The following ENOX2 variants were observed in gnomAD, a reference collection of about 807,000 sequenced individuals.
ENOX2 encodes the protein APK1 antigen.
ENOX2 carries 36 observed loss-of-function variants against 45.0 expected under a neutral mutation model. That is an observed-to-expected ratio of 0.80 (90% CI 0.61 to 1.06). The LOEUF (loss-of-function observed/expected upper bound fraction) is 1.06, where lower values mean the gene tolerates loss of function less well. Among genes scored for constraint, ENOX2 ranks in the 50% least tolerant of loss-of-function variants. ENOX2 has a pLI of 0.00. For synonymous variants in ENOX2, 174 were observed against 152.3 expected (o/e 1.14, Z -1.05); for missense variants, 423 against 462.5 (o/e 0.91, Z 0.78).
chrX:130,860,217 A>C (rs999049133), intron 2 of ENOX2, among the ~76,000 whole-genome samples: 6 of 111,925 alleles, frequency 5.4e-5, no homozygotes, highest in African/African-American at 2.0e-4. Context: ...TTGGCCTCCC[A>C]AAATGCTGAG....
rs1473087632 is a variant in ENOX2, at chrX:130,670,113, C to T, written c.546G>A (p.Leu182=). The part of the protein sequence containing the change: ...HVDFAQARDD[L]YEWECKQRML... ...TACGCTGTTTACACTCCCACTCATA[C>T]AGGTCATCTCGAGCCTGTGCGAAAT... The change falls in exon 7 of 15, where the codon CTG becomes CTA. Residue 182 remains leucine (L), a synonymous_variant. Coordinates refer to ENST00000394363, the MANE Select transcript of ENOX2 (RefSeq NM_006375.4). 8.3e-7 allele frequency: 1 copy of T among 1,210,920 alleles called. No homozygotes were observed. Among genetic ancestry groups the T allele is most frequent in the East Asian group, 3.0e-5 (1 of 33,827 alleles).
chrX:130,857,595 A>G (rs1055986600), intron 2 of ENOX2, among the ~76,000 whole-genome samples: 1 of 111,747 alleles, frequency 8.9e-6, no homozygotes, highest in Non-Finnish European at 1.9e-5. Flanking sequence ...GTATGCTTTA[A>G]ATATTCCTAA....
At chrX:130,717,938 C>A (rs1018720821) in intron 3 of ENOX2, among the ~76,000 whole-genome samples, 12 of 111,896 alleles carry the variant, frequency 1.1e-4, no homozygotes, top group Non-Finnish European at 1.9e-4. Context: ...TATGTTGATA[C>A]CGTCTCTTCA....
chrX:130,645,680 T>C, intron 10 of ENOX2: 1 of 536,902 alleles, frequency 1.9e-6, no homozygotes, highest in Non-Finnish European at 3.0e-6. Context: ...CTGGGCCTGC[T>C]GCGTTTCATG....
intron 2 of ENOX2, among the ~76,000 whole-genome samples, chrX:130,841,849 A>G (rs2078021467): frequency 8.9e-6 from 1 of 112,197 alleles, no homozygotes; most frequent in Non-Finnish European, 1.9e-5. Flanking sequence ...TAATTGTCAC[A>G]GGACTCTTTC....
intron 2 of ENOX2, among the ~76,000 whole-genome samples, chrX:130,873,894 G>A (rs1296026310): frequency 9.1e-6 from 1 of 109,458 alleles, no homozygotes; most frequent in South Asian, 4.1e-4. Flanking sequence ...GGGCCTGTCA[G>A]GGGGTGGGGG....
At chrX:130,638,345 C>T (rs1030965484) in intron 10 of ENOX2, among the ~76,000 whole-genome samples, 6 of 109,518 alleles carry the variant, frequency 5.5e-5, no homozygotes, top group African/African-American at 1.7e-4. Context: ...AGATTACAGG[C>T]GTGAGCCACC....
chrX:130,643,793 C>T (rs1428704849), intron 10 of ENOX2, among the ~76,000 whole-genome samples: 3 of 112,007 alleles, frequency 2.7e-5, no homozygotes, highest in South Asian at 3.7e-4. Flanking sequence ...AAACAGAAAT[C>T]AGTAATGACA....
intron 10 of ENOX2, among the ~76,000 whole-genome samples, chrX:130,655,565 G>C (rs1031612891): frequency 8.9e-6 from 1 of 112,190 alleles, no homozygotes; most frequent in South Asian, 3.7e-4. Flanking sequence ...CTCTAGTATA[G>C]TGCTTAGCAT....
At chrX:130,813,792 G>A (rs147776797) in intron 2 of ENOX2, among the ~76,000 whole-genome samples, 1,314 of 111,768 alleles carry the variant, frequency 0.012, 3 homozygotes, top group Middle Eastern at 0.023. Context: ...TACCACCAGG[G>A]CCCAGGATTT....
At chrX:130,818,215 G>T in intron 2 of ENOX2, among the ~76,000 whole-genome samples, 3 of 111,110 alleles carry the variant, frequency 2.7e-5, no homozygotes, top group Non-Finnish European at 5.7e-5. Flanking sequence ...ACTCTTCAAG[G>T]AGAACTACAA....
At chrX:130,641,063 T>C (rs1166570821) in intron 10 of ENOX2, among the ~76,000 whole-genome samples, 1 of 111,788 alleles carries the variant, frequency 8.9e-6, no homozygotes, top group East Asian at 2.8e-4. Flanking sequence ...GAAGCAATAA[T>C]GACTGAGAAT....
At chrX:130,814,159 T>A (rs751239777) in intron 2 of ENOX2, among the ~76,000 whole-genome samples, 3 of 112,179 alleles carry the variant, frequency 2.7e-5, no homozygotes, top group Non-Finnish European at 5.6e-5. Flanking sequence ...CCATGGCAGC[T>A]CAGCAAAGCC....
At chrX:130,672,540 C>T (rs34482443) in intron 6 of ENOX2, among the ~76,000 whole-genome samples, 1 of 112,733 alleles carries the variant, frequency 8.9e-6, no homozygotes, top group Non-Finnish European at 1.9e-5. Context: ...CAGTTGCCTC[C>T]CACTCTCACA....
chrX:130,778,684 A>T (rs2039911043), intron 3 of ENOX2, among the ~76,000 whole-genome samples: 2 of 112,407 alleles, frequency 1.8e-5, no homozygotes. Flanking sequence ...GGAGATCTTG[A>T]ACTTTTGTGA....
At chrX:130,787,438 A>G (rs1178931921) in intron 2 of ENOX2, among the ~76,000 whole-genome samples, 4 of 111,877 alleles carry the variant, frequency 3.6e-5, no homozygotes, top group Middle Eastern at 4.6e-3. Context: ...CTATTATAAC[A>G]TTGAATTTCC....
intron 3 of ENOX2, among the ~76,000 whole-genome samples, chrX:130,725,016 C>A (rs924912722): frequency 3.6e-5 from 4 of 111,288 alleles, no homozygotes; most frequent in Non-Finnish European, 5.7e-5. Context: ...ATCCTCCTAC[C>A]CATAGCTGCA....
At chrX:130,633,136 T>C (rs936269514) in intron 12 of ENOX2, among the ~76,000 whole-genome samples, 16 of 111,874 alleles carry the variant, frequency 1.4e-4, no homozygotes, top group African/African-American at 4.5e-4. Context: ...TACTAGCAGA[T>C]TTAAAGAGCT....
intron 2 of ENOX2, among the ~76,000 whole-genome samples, chrX:130,814,739 A>AT (rs1457155594): frequency 8.9e-6 from 1 of 111,921 alleles, no homozygotes; most frequent in Non-Finnish European, 1.9e-5. Context: ...ACCCCATCTG[A>AT]TGGTCACCAA....
Sources: allele counts gnomAD v4.1 joint callset (sites outside exome capture counted in the v4.1 genomes callset), GRCh38; gene constraint gnomAD v4.1.1; transcripts MANE v1.5; gene names NCBI Gene and HGNC (gene_info 2026-07-23, HGNC 2026-07-21).